The following CFAP91 variants were observed in gnomAD, a reference collection of about 807,000 sequenced individuals.
CFAP91 encodes the protein cilia- and flagella-associated protein 91.
In CFAP91, 85 loss-of-function variants were observed where a neutral mutation model predicts 95.9. That is an observed-to-expected ratio of 0.89 (90% CI 0.74 to 1.06). CFAP91 has a LOEUF of 1.06. Ranked by LOEUF, CFAP91 falls within the 50% of genes least tolerant of loss-of-function variation. The pLI, the probability that CFAP91 is intolerant of heterozygous loss-of-function variation, is 0.00. For missense variants in CFAP91, 962 were observed against 943.4 expected (o/e 1.02, Z -0.26); for synonymous variants, 335 against 327.5 (o/e 1.02, Z -0.25).
intron 14 of CFAP91, among the ~76,000 whole-genome samples, chr3:119,745,186 A>G (rs142658787): frequency 9.3e-4 from 141 of 152,328 alleles, no homozygotes; most frequent in African/African-American, 3.2e-3. Flanking sequence ...TATCATCCAT[A>G]TGTTAATTCT....
intron 16 of CFAP91, among the ~76,000 whole-genome samples, chr3:119,749,629 C>T (rs1429627129): frequency 6.6e-6 from 1 of 152,112 alleles, no homozygotes; most frequent in African/African-American, 2.4e-5. Context: ...TGGAACTTAT[C>T]TATGGGCAAG....
chr3:119,763,969 G>T (rs2054584164), intron 17 of CFAP91, among the ~76,000 whole-genome samples: 1 of 152,040 alleles, frequency 6.6e-6, no homozygotes, highest in Non-Finnish European at 1.5e-5. Context: ...AGCAAAGAGA[G>T]ATTTTAAGCA....
intron 11 of CFAP91, among the ~76,000 whole-genome samples, chr3:119,737,762 G>C (rs745341880): frequency 2.6e-5 from 4 of 152,210 alleles, no homozygotes; most frequent in Non-Finnish European, 5.9e-5. Context: ...ATATGAAATA[G>C]AAAAAGAAGA....
intron 6 of CFAP91, among the ~76,000 whole-genome samples, chr3:119,725,216 G>A (rs1002895264): frequency 6.6e-6 from 1 of 152,198 alleles, no homozygotes; most frequent in Non-Finnish European, 1.5e-5. Context: ...GCACCTAAGT[G>A]TGCTGGCATC....
chr3:119,716,021 T>G (rs754626895), intron 6 of CFAP91: 52 of 560,610 alleles, frequency 9.3e-5, no homozygotes, highest in Non-Finnish European at 1.4e-4. Flanking sequence ...GTCCTCTCAT[T>G]TCTCTCTCCT....
In CFAP91 at chr3:119,708,749, ATCATTTTTCAGTG is replaced by A. The variant is rs1303840246; in HGVS notation, c.443+76_443+88del. ...CCTCTTTATGATAATAATAATAGTT[ATCATTTTTCAGTG>A]CATACAACGTGCCAGACTCTATTTT... On this transcript the variant is annotated intron_variant, in intron 4 of 17. Coordinates refer to ENST00000273390, the MANE Select transcript of CFAP91 (RefSeq NM_033364.4). 9.8e-6 allele frequency: 9 copies of A among 921,196 alleles called. No individual in the cohort carries two copies. In the African/African-American group the frequency reaches 1.4e-4, roughly 14 times the overall value. The allele number at this position is 921,196 out of a possible 1,614,324, so 57.1% of individuals were successfully genotyped here.
Position 119,706,810 on chromosome 3 carries a change from T to A in CFAP91, c.126T>A (p.Asp42Glu). Reference protein sequence around the residue: ...SSNRAYDFLYDPLFIVSSEKD... With the variant: ...SSNRAYDFLYEPLFIVSSEKD... The stretch of plus-strand genomic sequence containing the variant: ...GCTACTTGATTGTTTATTTTGCAGA[T>A]CCATTGTTTATTGTGTCAAGTGAGA... Residue 42 changes from aspartate (D) to glutamate (E), a missense_variant and splice_region_variant, in exon 2 of 18, where the codon GAT becomes GAA. By Grantham distance (45) the Asp-to-Glu change is conservative (BLOSUM62 2). Coordinates refer to ENST00000273390, the MANE Select transcript of CFAP91 (RefSeq NM_033364.4). The A allele has an allele frequency of 1.9e-6, 3 of 1,612,358 alleles. No individual in the cohort carries two copies. The highest frequency in any genetic ancestry group is 2.5e-6 in the Non-Finnish European group (3 of 1,178,488).
chr3:119,716,937 C>A (rs2053587381), intron 6 of CFAP91, among the ~76,000 whole-genome samples: 1 of 152,074 alleles, frequency 6.6e-6, no homozygotes, highest in African/African-American at 2.4e-5. Flanking sequence ...GCCTAGATGG[C>A]AAATTAAAAA....
At chr3:119,713,144 G>A (rs1438725583) in intron 5 of CFAP91, 4 of 146,766 alleles carry the variant, frequency 2.7e-5, no homozygotes, top group Admixed American at 6.9e-5. Flanking sequence ...TTTTGAGATG[G>A]AGTCTTGCTC....
At chr3:119,710,163 T>C in intron 5 of CFAP91, 1 of 350,132 alleles carries the variant, frequency 2.9e-6, no homozygotes, top group Non-Finnish European at 5.1e-6. Flanking sequence ...TGTTTATATG[T>C]ATATGATGGA....
chr3:119,733,408 C>T lies in CFAP91; in HGVS notation c.1246C>T (p.Pro416Ser). ...ATGTCTCCCAGATTTTGTGACACAA[C>T]CCCAAATCAGAGCTCCAAAACCTAA... ...ESCLPDFVTQ[P>S]QIRAPKPKVI... is the part of the protein sequence containing the mutation. Residue 416 changes from proline to serine, a missense_variant, in exon 10 of 18, where the codon CCC (proline) becomes TCC (serine). Transcript: ENST00000273390. 6.2e-7 allele frequency: 1 copy of T among 1,614,088 alleles called. No individual in the cohort carries two copies. The highest frequency in any genetic ancestry group is 2.2e-5 in the East Asian group (1 of 44,880).
At chr3:119,738,634 C>T (rs925765005) in intron 11 of CFAP91, among the ~76,000 whole-genome samples, 1 of 152,046 alleles carries the variant, frequency 6.6e-6, no homozygotes, top group African/African-American at 2.4e-5. Context: ...CAGGCATGAG[C>T]CACTGTGCCC....
chr3:119,707,393 T>C lies in CFAP91; in HGVS notation c.202-11T>C, dbSNP rs2053386293. 1 of 1,527,874 alleles carries C rather than the reference T, an allele frequency of 6.5e-7. No individual in the cohort carries two copies. Among genetic ancestry groups the C allele is most frequent in the Non-Finnish European group, 8.9e-7 (1 of 1,126,004 alleles). 94.6% of individuals were successfully genotyped at this position (1,527,874 alleles called of 1,614,324 possible). ...ATAATTTTGTCCTTTGCCTCCCTTCTCTAACATTAGAGAAAAGTTCCCAGG... is the reference window on the plus strand; with the variant it reads ...ATAATTTTGTCCTTTGCCTCCCTTCCCTAACATTAGAGAAAAGTTCCCAGG... On this transcript the variant is annotated splice_polypyrimidine_tract_variant and intron_variant, in intron 2 of 17. Transcript: ENST00000273390.
chr3:119,706,356 T>G (rs2053362740), intron 1 of CFAP91: 1 of 152,554 alleles, frequency 6.6e-6, no homozygotes, highest in Non-Finnish European at 1.5e-5. Flanking sequence ...AGATATCATG[T>G]GGTTTGCATC....
intron 1 of CFAP91, among the ~76,000 whole-genome samples, chr3:119,705,458 A>G (rs755591252): frequency 1.2e-4 from 18 of 152,194 alleles, no homozygotes; most frequent in African/African-American, 3.9e-4. Flanking sequence ...TTTCTTTGCT[A>G]TTCTTCAGAC....
At chr3:119,747,453 C>G (rs758562243) in intron 15 of CFAP91, 190 bp downstream of exon 15, 1 of 196,258 alleles carries the variant, frequency 5.1e-6, no homozygotes, top group Non-Finnish European at 9.2e-6. Context: ...CTCAGTTATC[C>G]TCTGCAATCT....
At chr3:119,724,168 CAA>C (rs60965924) in intron 6 of CFAP91, among the ~76,000 whole-genome samples, 91 of 98,746 alleles carry the variant, frequency 9.2e-4, no homozygotes, top group East Asian at 8.9e-4. Context: ...GACTTCATCT[CAA>C]AAAAAAAAAA....
intron 17 of CFAP91, among the ~76,000 whole-genome samples, chr3:119,753,551 A>G (rs1577245162): frequency 6.6e-6 from 1 of 152,202 alleles, no homozygotes; most frequent in Non-Finnish European, 1.5e-5. Context: ...CTAGAACACA[A>G]TCAAGAATAT....
At chr3:119,762,588 A>C (rs2054556583) in intron 17 of CFAP91, among the ~76,000 whole-genome samples, 1 of 152,046 alleles carries the variant, frequency 6.6e-6, no homozygotes, top group Admixed American at 6.6e-5. Flanking sequence ...ATCTACTGCA[A>C]AGCTATGCTA....
Sources: gnomAD v4.1 joint callset for allele counts (sites outside exome capture counted in the v4.1 genomes callset) on GRCh38, gnomAD v4.1.1 for gene constraint, MANE v1.5 for transcripts, NCBI Gene and HGNC (gene_info 2026-07-23, HGNC 2026-07-21) for gene names.